The following WASHC2C variants were observed in gnomAD, a reference collection of about 807,000 sequenced individuals.
The protein encoded by WASHC2C is WASH complex subunit 2C, also known as Vaccinia Penetration Factor.
Under a neutral mutation model 142.2 loss-of-function variants are expected in WASHC2C, and 73 were observed. The observed-to-expected ratio is 0.51, with a 90% CI of 0.43 to 0.62. The LOEUF (loss-of-function observed/expected upper bound fraction) is 0.62. WASHC2C is among the 20% of genes least tolerant of loss of function. The pLI is 0.00. For missense variants in WASHC2C, 969 were observed against 1,531.7 expected, an observed-to-expected ratio of 0.63 and a Z score of 6.13; for synonymous variants, 337 against 565.5, an observed-to-expected ratio of 0.60 and a Z score of 5.73.
chr10:45,735,605 G>GGAATTACATA (rs1304514564), intron 3 of WASHC2C, among the ~76,000 whole-genome samples: 3 of 152,168 alleles, frequency 2.0e-5, no homozygotes, highest in Non-Finnish European at 4.4e-5. Context: ...GCGTTTGATT[G>GGAATTACATA]GAATTACATA....
chr10:45,767,004 C>T (rs2055911765), intron 19 of WASHC2C, among the ~76,000 whole-genome samples: 1 of 152,128 alleles, frequency 6.6e-6, no homozygotes, highest in Non-Finnish European at 1.5e-5. Flanking sequence ...TGGTAGCTCA[C>T]GTCTGTAATC....
intron 20 of WASHC2C, among the ~76,000 whole-genome samples, chr10:45,773,034 TGAGGCAG>T (rs1419695125): frequency 6.8e-6 from 1 of 146,962 alleles, no homozygotes; most frequent in African/African-American, 2.5e-5. Flanking sequence ...AGGGGCAACC[TGAGGCAG>T]GAGGGACAGA....
chr10:45,784,289 T>TACACAC (rs1213117183), intron 23 of WASHC2C, among the ~76,000 whole-genome samples: 13 of 17,706 alleles, frequency 7.3e-4, no homozygotes, highest in South Asian at 2.9e-3. Flanking sequence ...TATATATATA[T>TACACAC]ACACATATAT....
intron 3 of WASHC2C, among the ~76,000 whole-genome samples, chr10:45,732,169 G>C (rs2050689253): frequency 6.6e-6 from 1 of 152,084 alleles, no homozygotes; most frequent in Non-Finnish European, 1.5e-5. Context: ...CTTGAATTAT[G>C]GTGCCATTTG....
chr10:45,754,425 G>T (rs1181885702), intron 13 of WASHC2C, 61 bp from the exon 14 acceptor site: 31 of 1,603,216 alleles, frequency 1.9e-5, no homozygotes, highest in Non-Finnish European at 2.3e-5. Context: ...ATTTCAGGAA[G>T]AAAATAGCAA....
chr10:45,761,025 A>G (rs1264912682), intron 17 of WASHC2C, among the ~76,000 whole-genome samples: 2 of 152,032 alleles, frequency 1.3e-5, no homozygotes, highest in Admixed American at 6.5e-5. Context: ...ATTTGTTGCT[A>G]TGAAACAAGT....
chr10:45,730,459 A>G (rs2050423793), intron 3 of WASHC2C, among the ~76,000 whole-genome samples: 1 of 142,734 alleles, frequency 7.0e-6, no homozygotes, highest in Admixed American at 7.1e-5. Context: ...TCTAGACTCA[A>G]CTTCTCTGGT....
intron 16 of WASHC2C, among the ~76,000 whole-genome samples, chr10:45,758,059 C>T (rs1462658750): frequency 2.0e-5 from 3 of 152,180 alleles, no homozygotes; most frequent in Admixed American, 6.5e-5. Context: ...AGCAACACCT[C>T]CCACATCTTT....
chr10:45,748,050 T>C (rs2053065863), intron 8 of WASHC2C, among the ~76,000 whole-genome samples: 1 of 122,656 alleles, frequency 8.2e-6, no homozygotes, highest in Non-Finnish European at 1.7e-5. Flanking sequence ...ATTTTAAATT[T>C]CTTTTAGTTA....
At chr10:45,782,683 A>T (rs1554888390) in intron 23 of WASHC2C, among the ~76,000 whole-genome samples, 1 of 152,290 alleles carries the variant, frequency 6.6e-6, no homozygotes, top group African/African-American at 2.4e-5. Flanking sequence ...CATTATTCAT[A>T]ATAGCCAAAA....
At chr10:45,749,654 A>G (rs2053288436) in intron 8 of WASHC2C, among the ~76,000 whole-genome samples, 1 of 150,812 alleles carries the variant, frequency 6.6e-6, no homozygotes, top group African/African-American at 2.4e-5. Flanking sequence ...GTGAAACCCC[A>G]TCTCTACTAA....
chr10:45,757,178 T>G (rs1319599166), intron 16 of WASHC2C, 39 bp downstream of exon 16: 1 of 1,610,844 alleles, frequency 6.2e-7, no homozygotes, highest in African/African-American at 1.3e-5. Context: ...AGCATTGATC[T>G]GCAGCATTTT....
Position 45,790,294 on chromosome 10 carries a change from G to GT in WASHC2C, c.3709-59dup, listed in dbSNP as rs2058325155. On this transcript the variant is annotated intron_variant, in intron 29 of 30. Transcript: ENST00000623400. Reference sequence around the variant, plus strand: ...TTGCATTTCCATAGCTTGTTGACGTGTTTGAGTTTAAAAAGAAAAATTGAT... The same window carrying GT: ...TTGCATTTCCATAGCTTGTTGACGTGTTTTGAGTTTAAAAAGAAAAATTGAT... 8 of 1,608,792 alleles carry GT rather than the reference G, an allele frequency of 5.0e-6. No homozygotes were observed. In the South Asian group the frequency reaches 6.7e-5, roughly 13 times the overall value.
Position 45,779,283 on chromosome 10 carries a change from G to A in WASHC2C, c.2478+148G>A, listed in dbSNP as rs536596648. 63 of 633,214 alleles carry A rather than the reference G, an allele frequency of 9.9e-5. 1 individual carries two copies. In the South Asian group the frequency reaches 1.2e-3, roughly 12 times the overall value. 39.2% of individuals were successfully genotyped at this position (633,214 alleles called of 1,614,324 possible). On this transcript the variant is annotated intron_variant, in intron 23 of 30. Coordinates refer to ENST00000623400, the MANE Select transcript of WASHC2C (RefSeq NM_001330074.2). ...TTCTGTGCAGTCATTTAGATATTTG[G>A]GAATCTTAATCAGGAACTCTTACCT...
chr10:45,748,816 A>G (rs1162181988), intron 8 of WASHC2C, among the ~76,000 whole-genome samples: 5 of 152,180 alleles, frequency 3.3e-5, no homozygotes, highest in Non-Finnish European at 7.3e-5. Context: ...AACTTAACAG[A>G]TAAGGCTAAG....
At chr10:45,776,259 C>A (rs1433520303) in intron 21 of WASHC2C, among the ~76,000 whole-genome samples, 1 of 152,226 alleles carries the variant, frequency 6.6e-6, no homozygotes. Context: ...GGCATTGCCT[C>A]AAAGCACACT....
intron 8 of WASHC2C, among the ~76,000 whole-genome samples, chr10:45,748,943 A>G (rs1388785169): frequency 1.3e-5 from 2 of 152,136 alleles, no homozygotes; most frequent in African/African-American, 2.4e-5. Context: ...ATCTGTTTCC[A>G]TAGAAATGCT....
At position 45,792,920 on chromosome 10, in the gene WASHC2C, C is replaced by G. The variant is rs2058458576; in HGVS notation, c.*520C>G. On this transcript the variant is annotated 3_prime_UTR_variant, in exon 31 of 31. Coordinates refer to ENST00000623400, the MANE Select transcript of WASHC2C (RefSeq NM_001330074.2). Reference sequence around the variant, plus strand: ...AAAGTTTGGCAAACTGTGGCCCCCCCACTGTCATATTTTGTTAATAAAATT... The same window carrying G: ...AAAGTTTGGCAAACTGTGGCCCCCCGACTGTCATATTTTGTTAATAAAATT... 1.9e-5 allele frequency: 9 copies of G among 469,280 alleles called. No homozygotes were observed. The highest frequency in any genetic ancestry group is 1.2e-4 in the South Asian group (8 of 64,486). The allele number at this position is 469,280 out of a possible 1,614,324, so 29.1% of individuals were successfully genotyped here.
rs536017848 is a variant in WASHC2C at position 45,762,681 on chromosome 10, G to A, written c.1636-707G>A. Among the ~76,000 whole-genome samples, 343 of 152,288 alleles carry A rather than the reference G, an allele frequency of 2.3e-3. 1 individual carries two copies. The highest frequency in any genetic ancestry group is 7.9e-3 in the African/African-American group (328 of 41,562). The stretch of plus-strand genomic sequence containing the variant: ...AGCACTTGGGGAAGCCGAGGCGGGC[G>A]GATCACAAGGTCAGGAGATCGAGAC... On this transcript the variant is annotated intron_variant, in intron 17 of 30. Transcript: ENST00000623400.
Sources: gnomAD v4.1 joint callset for allele counts (sites outside exome capture counted in the v4.1 genomes callset) on GRCh38, gnomAD v4.1.1 for gene constraint, MANE v1.5 for transcripts, NCBI Gene and HGNC (gene_info 2026-07-23, HGNC 2026-07-21) for gene names.